TRPM7: variants seen among roughly 807,000 people sequenced by gnomAD.
TRPM7 encodes transient receptor potential cation channel subfamily M member 7, also known as LTRPC ion channel family member 7.
In TRPM7, 134 loss-of-function variants were observed where a neutral mutation model predicts 229.7. That is an observed-to-expected ratio of 0.58 (90% confidence interval 0.51 to 0.67). TRPM7 has a LOEUF of 0.67. Among genes scored for constraint, TRPM7 ranks in the 30% least tolerant of loss-of-function variants. The pLI, the probability that TRPM7 is intolerant of heterozygous loss-of-function variation, is 0.00. For missense variants in TRPM7, 1,901 were observed against 2,210.0 expected (o/e 0.86, Z 2.80); for synonymous variants, 699 against 715.2 (o/e 0.98, Z 0.36).
chr15:50,609,261 G>A (rs2059999903), intron 19 of TRPM7, among the ~76,000 whole-genome samples: 1 of 152,054 alleles, frequency 6.6e-6, no homozygotes, highest in Non-Finnish European at 1.5e-5. Flanking sequence ...AATTATAACT[G>A]TGTATCAGAA....
intron 2 of TRPM7, among the ~76,000 whole-genome samples, chr15:50,662,454 T>C (rs1240440105): frequency 2.0e-5 from 3 of 152,232 alleles, no homozygotes; most frequent in African/African-American, 7.2e-5. Flanking sequence ...AAAGCCATCT[T>C]AGAGACCAAA....
At chr15:50,637,946 G>A (rs1350128504) in intron 6 of TRPM7, among the ~76,000 whole-genome samples, 1 of 152,230 alleles carries the variant, frequency 6.6e-6, no homozygotes, top group Non-Finnish European at 1.5e-5. Flanking sequence ...GCCAGGCACA[G>A]TGGCTCATGC....
intron 31 of TRPM7, 141 bp downstream of exon 31, chr15:50,578,498 T>C (rs1329180787): frequency 3.5e-6 from 2 of 567,662 alleles, no homozygotes; most frequent in Non-Finnish European, 6.0e-6. Context: ...GGAGAAAGTA[T>C]ATGAGGGAAG....
intron 3 of TRPM7, among the ~76,000 whole-genome samples, chr15:50,655,166 T>C (rs184537738): frequency 4.2e-5 from 6 of 141,898 alleles, no homozygotes; most frequent in African/African-American, 1.2e-4. Context: ...CCAAATGCAG[T>C]GGCTCACGCC....
At chr15:50,583,235 A>G in intron 28 of TRPM7, 76 bp from the exon 29 acceptor site, 1 of 1,031,694 alleles carries the variant, frequency 9.7e-7, no homozygotes, top group Non-Finnish European at 1.5e-6. Context: ...AACACAAAGT[A>G]TTCTAGGCAC....
chr15:50,649,020 T>C (rs1201772942), intron 3 of TRPM7, 135 bp from the exon 4 acceptor site: 1 of 565,306 alleles, frequency 1.8e-6, no homozygotes, highest in African/African-American at 1.9e-5. Context: ...AATAAGCTTT[T>C]TGATTTTAGG....
Position 50,613,677 on chromosome 15 carries a change from C to T in TRPM7, c.1770+30G>A, listed in dbSNP as rs147715874. The T allele has an allele frequency of 6.1e-4, 893 of 1,461,674 alleles. 4 individuals carry two copies. In the African/African-American group the frequency reaches 0.012, roughly 19 times the overall value. 90.5% of individuals were successfully genotyped at this position (1,461,674 alleles called of 1,614,324 possible). On this transcript the variant is annotated intron_variant, in intron 15 of 38. Transcript: ENST00000646667. ...AATTTAGAAAGAAGAAAATAAAAACCCAGAAAGAATAATATTTAAATAAAT... is the reference window on the plus strand; with the variant it reads ...AATTTAGAAAGAAGAAAATAAAAACTCAGAAAGAATAATATTTAAATAAAT...
intron 22 of TRPM7, among the ~76,000 whole-genome samples, chr15:50,596,957 C>T (rs2059648857): frequency 6.6e-6 from 1 of 152,186 alleles, no homozygotes; most frequent in East Asian, 1.9e-4. Flanking sequence ...ATCATGTTGG[C>T]CAGGCTGGTC....
At chr15:50,626,234 G>C (rs2060555645) in intron 11 of TRPM7, among the ~76,000 whole-genome samples, 1 of 151,558 alleles carries the variant, frequency 6.6e-6, no homozygotes, top group South Asian at 2.1e-4. Flanking sequence ...CATTTTTTCT[G>C]TCTTATTACA....
intron 1 of TRPM7, among the ~76,000 whole-genome samples, chr15:50,669,882 T>A (rs2140950159): frequency 6.6e-6 from 1 of 152,344 alleles, no homozygotes; most frequent in South Asian, 2.1e-4. Context: ...GTTCCAACAG[T>A]TGCCAGTTCA....
At chr15:50,623,105 CTTTT>C (rs533298821) in intron 12 of TRPM7, among the ~76,000 whole-genome samples, 1 of 151,884 alleles carries the variant, frequency 6.6e-6, no homozygotes, top group Admixed American at 6.6e-5. Flanking sequence ...ATAGCAAATG[CTTTT>C]TTTTAAAAAA....
At chr15:50,574,238 C>A in intron 36 of TRPM7, 36 bp downstream of exon 36, 1 of 1,513,706 alleles carries the variant, frequency 6.6e-7, no homozygotes, top group Non-Finnish European at 9.2e-7. Flanking sequence ...GAACCTACTG[C>A]AGAATTTCAC....
chr15:50,585,050 AT>A (rs755433337), intron 28 of TRPM7, among the ~76,000 whole-genome samples: 1,740 of 94,960 alleles, frequency 0.018, 15 homozygotes, highest in African/African-American at 0.059. Context: ...TAATTTTTGT[AT>A]TTTTTTTTTT....
intron 27 of TRPM7, among the ~76,000 whole-genome samples, chr15:50,588,696 T>C (rs541789004): frequency 6.6e-6 from 1 of 152,362 alleles, no homozygotes; most frequent in East Asian, 1.9e-4. Context: ...AACACCTTTC[T>C]AGGTGTTTTT....
chr15:50,612,312 T>C (rs1207454945), intron 16 of TRPM7, among the ~76,000 whole-genome samples: 1 of 152,172 alleles, frequency 6.6e-6, no homozygotes, highest in African/African-American at 2.4e-5. Flanking sequence ...GCTGCATTTC[T>C]TCTTTCTTGC....
intron 23 of TRPM7, among the ~76,000 whole-genome samples, chr15:50,595,011 C>G (rs576798642): frequency 6.6e-6 from 1 of 151,924 alleles, no homozygotes; most frequent in Non-Finnish European, 1.5e-5. Context: ...CAAGACGAGC[C>G]TGGGCACCAT....
At position 50,614,211 on chromosome 15, in the gene TRPM7, A is replaced by G. The variant is rs376644000; in HGVS notation, c.1547T>C (p.Ile516Thr). ...KITLIDIGLVIEYLMGGTYRC... is the reference protein window; with the variant it reads ...KITLIDIGLVTEYLMGGTYRC... Reference sequence around the variant, plus strand: ...GTAGGTTCCTCCCATGAGATATTCAATAACAAGTCCTATATCAATCAGAGT... The same window carrying G: ...GTAGGTTCCTCCCATGAGATATTCAGTAACAAGTCCTATATCAATCAGAGT... The change falls in exon 14 of 39, where the codon ATT becomes ACT. Residue 516 changes from isoleucine to threonine, a missense_variant. Transcript: ENST00000646667. 7 of 1,612,784 alleles carry G rather than the reference A, an allele frequency of 4.3e-6. No homozygotes were observed. Among genetic ancestry groups the G allele is most frequent in the South Asian group, 1.1e-5 (1 of 91,030 alleles).
intron 13 of TRPM7, among the ~76,000 whole-genome samples, chr15:50,616,248 T>C (rs1462849828): frequency 2.0e-5 from 3 of 152,178 alleles, no homozygotes; most frequent in African/African-American, 7.2e-5. Flanking sequence ...AATAAAAATA[T>C]TCAATTACTA....
At position 50,612,599 on chromosome 15, in the gene TRPM7, C is replaced by A; in HGVS notation, c.2001G>T (p.Lys667Asn). ...KIYRSMAYEA[K>N]QSDLVDDTSE... ...AAGTATCATCTACCAGGTCACTCTGCTTTGCTTCATATGCCATTGAACGAT... is the reference window on the plus strand; with the variant it reads ...AAGTATCATCTACCAGGTCACTCTGATTTGCTTCATATGCCATTGAACGAT... The change falls in exon 16 of 39, where the codon AAG (lysine) becomes AAT (asparagine). Residue 667 changes from lysine (K) to asparagine (N), a missense_variant. By Grantham distance (94) the Lys-to-Asn change is moderately conservative. Coordinates refer to ENST00000646667, the MANE Select transcript of TRPM7 (RefSeq NM_017672.6). The A allele has an allele frequency of 6.2e-7, 1 of 1,614,096 alleles. No homozygotes were observed. The highest frequency in any genetic ancestry group is 8.5e-7 in the Non-Finnish European group (1 of 1,180,002).
Sources: gnomAD v4.1 joint callset for allele counts (sites outside exome capture counted in the v4.1 genomes callset) on GRCh38, gnomAD v4.1.1 for gene constraint, MANE v1.5 for transcripts, NCBI Gene and HGNC (gene_info 2026-07-23, HGNC 2026-07-21) for gene names.